The following RBM19 variants were observed in gnomAD, a reference collection of about 807,000 sequenced individuals.
RBM19 encodes probable RNA-binding protein 19.
RBM19 carries 94 observed loss-of-function variants against 116.8 expected under a neutral mutation model. The ratio of observed to expected loss-of-function variants is 0.80; its 90% CI spans 0.68 to 0.95. RBM19 has a LOEUF of 0.95. Among genes scored for constraint, RBM19 ranks in the 40% least tolerant of loss-of-function variants. The probability of loss-of-function intolerance (pLI) is 0.00; values close to 1 mark genes in which losing one functional copy is unlikely to be tolerated. For synonymous variants in RBM19, 475 were observed against 494.1 expected (o/e 0.96, Z 0.51); for missense variants, 1,161 against 1,220.7 (o/e 0.95, Z 0.73).
chr12:113,860,380 G>C (rs1878267855), intron 21 of RBM19, among the ~76,000 whole-genome samples: 1 of 152,222 alleles, frequency 6.6e-6, no homozygotes, highest in Non-Finnish European at 1.5e-5. Flanking sequence ...CTCCACCAAA[G>C]CCCCTCTGCC....
At chr12:113,857,062 C>T (rs914528479) in intron 22 of RBM19, among the ~76,000 whole-genome samples, 1 of 152,132 alleles carries the variant, frequency 6.6e-6, no homozygotes, top group Non-Finnish European at 1.5e-5. Context: ...GAGAGTGAAT[C>T]CCTCATTTCT....
chr12:113,947,261 C>G (rs12296525), intron 11 of RBM19, 73 bp downstream of exon 11: 176,430 of 1,484,780 alleles, frequency 0.12, 12,505 homozygotes, highest in African/African-American at 0.33. Context: ...CACACATACA[C>G]ACACACACAC....
At chr12:113,820,113 G>C (rs1470638671), downstream of RBM19, among the ~76,000 whole-genome samples, 1 of 152,044 alleles carries the variant, frequency 6.6e-6, no homozygotes, top group Non-Finnish European at 1.5e-5. Context: ...AACTGATCAG[G>C]AGTCTGTCTC....
At chr12:113,850,630 AG>A (rs1216787158) in intron 22 of RBM19, among the ~76,000 whole-genome samples, 3 of 152,242 alleles carry the variant, frequency 2.0e-5, no homozygotes, top group African/African-American at 7.2e-5. Flanking sequence ...ACCTCCTCTC[AG>A]CAACAAAAGG....
chr12:113,831,689 A>G (rs1168098210), intron 23 of RBM19, among the ~76,000 whole-genome samples: 1 of 152,260 alleles, frequency 6.6e-6, no homozygotes, highest in Non-Finnish European at 1.5e-5. Context: ...ACACAAGTCA[A>G]TAACAATTTA....
intron 23 of RBM19, among the ~76,000 whole-genome samples, chr12:113,833,888 T>C (rs1875650729): frequency 6.6e-6 from 1 of 152,044 alleles, no homozygotes; most frequent in Non-Finnish European, 1.5e-5. Flanking sequence ...GGACTACAGG[T>C]GTGTGCCACC....
At chr12:113,933,464 C>T (rs1232788624) in intron 16 of RBM19, among the ~76,000 whole-genome samples, 4 of 152,276 alleles carry the variant, frequency 2.6e-5, no homozygotes, top group South Asian at 2.1e-4. Context: ...GGGAATTCAC[C>T]GATGACGCGG....
chr12:113,847,618 G>A (rs1247350059), intron 22 of RBM19, among the ~76,000 whole-genome samples: 3 of 152,094 alleles, frequency 2.0e-5, no homozygotes, highest in Non-Finnish European at 2.9e-5. Flanking sequence ...CCGGGGACAC[G>A]GTGGGGTGGG....
chr12:113,933,137 G>A (rs1321788922), intron 16 of RBM19, among the ~76,000 whole-genome samples: 1 of 151,652 alleles, frequency 6.6e-6, no homozygotes, highest in Non-Finnish European at 1.5e-5. Context: ...CCCCTCCCTC[G>A]AGACTGGTAC....
At chr12:113,918,544 G>C in intron 19 of RBM19, 97 bp from the exon 20 acceptor site, 7 of 1,325,010 alleles carry the variant, frequency 5.3e-6, no homozygotes, top group Non-Finnish European at 7.5e-6. Flanking sequence ...TCGCAGATGG[G>C]AGCCTGATTG....
intron 21 of RBM19, among the ~76,000 whole-genome samples, chr12:113,884,466 C>A (rs891394854): frequency 5.3e-5 from 8 of 152,136 alleles, no homozygotes; most frequent in Non-Finnish European, 7.3e-5. Context: ...ACTGGCCTCT[C>A]TAGTGGGTAG....
At chr12:113,900,447 C>T (rs1881617107) in intron 21 of RBM19, among the ~76,000 whole-genome samples, 1 of 152,214 alleles carries the variant, frequency 6.6e-6, no homozygotes, top group African/African-American at 2.4e-5. Context: ...TCAATCCTCC[C>T]GCACAGGGTT....
chr12:113,883,851 G>C (rs2135793099), intron 21 of RBM19, among the ~76,000 whole-genome samples: 1 of 152,310 alleles, frequency 6.6e-6, no homozygotes, highest in South Asian at 2.1e-4. Context: ...ATGAATAGGG[G>C]GAAGTAGAGA....
intron 21 of RBM19, among the ~76,000 whole-genome samples, chr12:113,884,090 C>T (rs1414958251): frequency 7.1e-6 from 1 of 141,494 alleles, no homozygotes; most frequent in Non-Finnish European, 1.5e-5. Flanking sequence ...GCCCAGGCAA[C>T]ATAGGGATAC....
At chr12:113,940,808 G>A (rs1870509748) in intron 14 of RBM19, among the ~76,000 whole-genome samples, 2 of 152,174 alleles carry the variant, frequency 1.3e-5, no homozygotes, top group South Asian at 4.1e-4. Context: ...GCTTCTGGGA[G>A]AACCAAAACT....
intron 23 of RBM19, among the ~76,000 whole-genome samples, chr12:113,833,912 T>C (rs1309595051): frequency 6.6e-6 from 1 of 151,932 alleles, no homozygotes; most frequent in African/African-American, 2.4e-5. Context: ...CCTGGCTAAT[T>C]TTTAAAGTTT....
rs556397131 is a variant in RBM19 at position 113,964,832 on chromosome 12, G to C, written c.36+1360C>G. On this transcript the variant is annotated intron_variant, in intron 1 of 23. Coordinates refer to ENST00000261741, the MANE Select transcript of RBM19 (RefSeq NM_016196.4). Reference sequence around the variant, plus strand: ...AAGATGGTTACTCCTGGACAGAGAGGGAAGGTAGGACAGAGCAAAGACTTT... The same window carrying C: ...AAGATGGTTACTCCTGGACAGAGAGCGAAGGTAGGACAGAGCAAAGACTTT... 4.6e-5 allele frequency among the ~76,000 whole-genome samples: 7 copies of C among 152,160 alleles called. No homozygotes were observed. The South Asian group carries it at 1.5e-3, about 32-fold the overall frequency.
At chr12:113,927,591 C>CAAA (rs764020256) in intron 16 of RBM19, among the ~76,000 whole-genome samples, 1 of 63,060 alleles carries the variant, frequency 1.6e-5, no homozygotes. Flanking sequence ...CCTCAAAAAA[C>CAAA]AAAAAAAAAA....
At chr12:113,870,109 AG>A (rs2135763095) in intron 21 of RBM19, among the ~76,000 whole-genome samples, 1 of 152,318 alleles carries the variant, frequency 6.6e-6, no homozygotes, top group African/African-American at 2.4e-5. Flanking sequence ...ATGAGGCAGG[AG>A]GAGAAGATGG....
Sources: allele counts gnomAD v4.1 joint callset (sites outside exome capture counted in the v4.1 genomes callset), GRCh38; gene constraint gnomAD v4.1.1; transcripts MANE v1.5; gene names NCBI Gene and HGNC (gene_info 2026-07-23, HGNC 2026-07-21).